SERPINA10: variants seen among roughly 807,000 people sequenced by gnomAD.
SERPINA10 encodes serpin family A member 10, also known as protein Z-dependent protease inhibitor.
SERPINA10 carries 24 observed loss-of-function variants against 28.0 expected under a neutral mutation model. That is an observed-to-expected ratio of 0.86 (90% CI 0.62 to 1.20). SERPINA10 has a LOEUF of 1.20. Among genes scored for constraint, SERPINA10 ranks in the 50% most tolerant of loss-of-function variants. The pLI, the probability that SERPINA10 is intolerant of heterozygous loss-of-function variation, is 0.00. For missense variants in SERPINA10, 521 were observed against 537.7 expected (o/e 0.97, Z 0.31); for synonymous variants, 207 against 203.9 (o/e 1.02, Z -0.13).
chr14:94,284,319 A>C (rs1475097779), intron 4 of SERPINA10, among the ~76,000 whole-genome samples, 163 bp from the exon 5 acceptor site: 1 of 152,184 alleles, frequency 6.6e-6, no homozygotes, highest in Non-Finnish European at 1.5e-5. Flanking sequence ...CTGGGGTTGC[A>C]CCAGGGACTG....
chr14:94,290,144 C>T lies in SERPINA10; in HGVS notation c.450G>A (p.Glu150=), dbSNP rs754710053. ...CCAGTTCCAGGTTGCGGGAGAGGGT[C>T]TCTCTGAGTCCCTTAAAGAGGGAAG... ...LLPSLFKGLR[E]TLSRNLELGL... is the part of the protein sequence containing the mutation. Residue 150 remains glutamate (E), a synonymous_variant, in exon 2 of 5, where the codon GAG becomes GAA. Coordinates refer to ENST00000261994, the MANE Select transcript of SERPINA10 (RefSeq NM_001100607.3). 1.2e-6 allele frequency: 2 copies of T among 1,614,138 alleles called. No individual in the cohort carries two copies. The highest frequency in any genetic ancestry group is 1.7e-6 in the Non-Finnish European group (2 of 1,180,012).
Position 94,284,288 on chromosome 14 carries a change from A to C in SERPINA10, c.1144-132T>G. The C allele has an allele frequency of 9.8e-6, 8 of 819,876 alleles. 1 individual carries two copies. The highest frequency in any genetic ancestry group is 1.6e-5 in the Non-Finnish European group (8 of 495,066). 50.8% of individuals were successfully genotyped at this position (819,876 alleles called of 1,614,324 possible). Reference sequence around the variant, plus strand: ...TCCTGGGATTTAGTGGAGCAGGCCCATCTACGTTAAGAGGAGTGGTCTGGG... The same window carrying C: ...TCCTGGGATTTAGTGGAGCAGGCCCCTCTACGTTAAGAGGAGTGGTCTGGG... On this transcript the variant is annotated intron_variant, in intron 4 of 4. Coordinates refer to ENST00000261994, the MANE Select transcript of SERPINA10 (RefSeq NM_001100607.3).
At position 94,288,283 on chromosome 14, in the gene SERPINA10, T is replaced by C. The variant is rs369697180; in HGVS notation, c.992+3A>G. The C allele has an allele frequency of 2.4e-4, 390 of 1,613,522 alleles. 3 individuals are homozygous for C. In the South Asian group the frequency reaches 2.7e-3, roughly 11 times the overall value. ...TTGTATAGGGTGTGGGCAAGAGTTG[T>C]ACCTGGTTTTCATGTTTCTGAGCCA... On this transcript the variant is annotated splice_donor_region_variant and intron_variant, in intron 3 of 4. Coordinates refer to ENST00000261994, the MANE Select transcript of SERPINA10 (RefSeq NM_001100607.3).
intron 4 of SERPINA10, among the ~76,000 whole-genome samples, chr14:94,285,740 G>C (rs1895008302): frequency 6.6e-6 from 1 of 151,934 alleles, no homozygotes; most frequent in Non-Finnish European, 1.5e-5. Flanking sequence ...GGAGAAGTTG[G>C]GCTAGATGAT....
rs1028151967 is a variant in SERPINA10, at chr14:94,280,850, A to G, written c.*3115T>C. 6.6e-6 allele frequency: 1 copy of G among 152,238 alleles called. No individual in the cohort carries two copies. The highest frequency in any genetic ancestry group is 1.9e-4 in the East Asian group (1 of 5,198). 9.4% of individuals were successfully genotyped at this position (152,238 alleles called of 1,614,324 possible). A position where few individuals can be genotyped will look rare whatever the true frequency, so the allele number is the denominator to read the frequency against. Reference sequence around the variant, plus strand: ...GGATTTTACTTAATAGAGGTTAAATAAGGAGCACATAAAGTTTTTCTTTAT... The same window carrying G: ...GGATTTTACTTAATAGAGGTTAAATGAGGAGCACATAAAGTTTTTCTTTAT... On this transcript the variant is annotated 3_prime_UTR_variant, in exon 5 of 5. Transcript: ENST00000261994.
In SERPINA10 at chr14:94,288,282, G is replaced by C; in HGVS notation, c.992+4C>G. ...TTTGTATAGGGTGTGGGCAAGAGTTGTACCTGGTTTTCATGTTTCTGAGCC... is the reference window on the plus strand; with the variant it reads ...TTTGTATAGGGTGTGGGCAAGAGTTCTACCTGGTTTTCATGTTTCTGAGCC... On this transcript the variant is annotated splice_donor_region_variant and intron_variant, in intron 3 of 4. Coordinates refer to ENST00000261994, the MANE Select transcript of SERPINA10 (RefSeq NM_001100607.3). 3 of 1,613,432 alleles carry C rather than the reference G, an allele frequency of 1.9e-6. No individual in the cohort carries two copies. Among genetic ancestry groups the C allele is most frequent in the Non-Finnish European group, 2.5e-6 (3 of 1,180,030 alleles).
chr14:94,284,246 TA>T (rs1894968900), intron 4 of SERPINA10, 90 bp from the exon 5 acceptor site: 2 of 1,155,020 alleles, frequency 1.7e-6, no homozygotes, highest in Non-Finnish European at 2.5e-6. Context: ...ACAGTGGTCC[TA>T]CCCATGGGGT....
At chr14:94,284,921 T>G (rs1254646438) in intron 4 of SERPINA10, among the ~76,000 whole-genome samples, 1 of 152,192 alleles carries the variant, frequency 6.6e-6, no homozygotes, top group Non-Finnish European at 1.5e-5. Context: ...TGATGACCCT[T>G]CATAAAGCAG....
Position 94,290,027 on chromosome 14 carries a change from C to A in SERPINA10, c.567G>T (p.Glu189Asp). 6.2e-7 allele frequency: 1 copy of A among 1,614,234 alleles called. No individual in the cohort carries two copies. The highest frequency in any genetic ancestry group is 1.6e-4 in the Middle Eastern group (1 of 6,062). The change falls in exon 2 of 5, where the codon GAG becomes GAT. Residue 189 changes from glutamate to aspartate, a missense_variant. Coordinates refer to ENST00000261994, the MANE Select transcript of SERPINA10 (RefSeq NM_001100607.3). ...FNLSKRYFDT[E>D]CVPMNFRNAS... is the part of the protein sequence containing the mutation. The stretch of plus-strand genomic sequence containing the variant: ...CATTGCGAAAATTCATAGGCACGCA[C>A]TCTGTATCAAAATACCTCTTGGATA...
At chr14:94,292,671 C>T (rs1405012983) in intron 1 of SERPINA10, 1 of 702,002 alleles carries the variant, frequency 1.4e-6, no homozygotes, top group African/African-American at 1.7e-5. Context: ...CTGGGTGCTC[C>T]TGGACATATA....
intron 2 of SERPINA10, among the ~76,000 whole-genome samples, chr14:94,289,440 G>A (rs1257201897): frequency 6.6e-6 from 1 of 152,200 alleles, no homozygotes; most frequent in Admixed American, 6.5e-5. Context: ...GCCCATCTGG[G>A]CACTTTACAT....
chr14:94,290,919 G>T (rs568306139), intron 1 of SERPINA10, among the ~76,000 whole-genome samples: 1 of 152,248 alleles, frequency 6.6e-6, no homozygotes, highest in Non-Finnish European at 1.5e-5. Context: ...CTCCCTGAGG[G>T]CCAGGGCAAG....
Position 94,290,427 on chromosome 14 carries a change from C to A in SERPINA10, c.167G>T (p.Ser56Ile). 1 of 1,613,810 alleles carries A rather than the reference C, an allele frequency of 6.2e-7. No homozygotes were observed. The highest frequency in any genetic ancestry group is 2.2e-5 in the East Asian group (1 of 44,864). Residue 56 changes from serine to isoleucine, a missense_variant, in exon 2 of 5, where the codon AGC (serine) becomes ATC (isoleucine). Physicochemically the swap from Ser to Ile is moderately radical, Grantham distance 142. Transcript: ENST00000261994. ...KEEEEDEQEA[S>I]EEKASEEEKA... The stretch of plus-strand genomic sequence containing the variant: ...CTCTTCCTCACTGGCCTTCTCCTCG[C>A]TGGCCTCCTGCTCATCTTCCTCTTC...
In SERPINA10 at chr14:94,290,119, C is replaced by T. The variant is rs1895126596; in HGVS notation, c.475G>A (p.Gly159Ser). The T allele has an allele frequency of 6.2e-7, 1 of 1,614,056 alleles. No homozygotes were observed. ...AAGGCAAAACTCCCCTGTGTGAGGC[C>T]CAGTTCCAGGTTGCGGGAGAGGGTC... is the stretch of plus-strand genomic sequence containing the variant. ...RETLSRNLEL[G>S]LTQGSFAFIH... The change falls in exon 2 of 5, where the codon GGC (glycine) becomes AGC (serine). Residue 159 changes from glycine (G) to serine (S), a missense_variant. Coordinates refer to ENST00000261994, the MANE Select transcript of SERPINA10 (RefSeq NM_001100607.3).
At chr14:94,288,700 A>G in intron 2 of SERPINA10, 141 bp from the exon 3 acceptor site, 2 of 1,207,056 alleles carry the variant, frequency 1.7e-6, no homozygotes, top group Non-Finnish European at 2.4e-6. Flanking sequence ...GGCGTTCCCT[A>G]ATTGGGTTGG....
In SERPINA10 at chr14:94,290,511, G is replaced by A. The variant is rs2232697; in HGVS notation, c.83C>T (p.Ser28Leu). 9.3e-5 allele frequency: 150 copies of A among 1,613,138 alleles called. 2 individuals are homozygous for A. The East Asian group carries it at 2.0e-3, about 21-fold the overall frequency. Reference sequence around the variant, plus strand: ...GTTCTGAGGGGCTGGGGTCTCTGGCGACTGAGGACTGGGGGCCAAGCCGGG... The same window carrying A: ...GTTCTGAGGGGCTGGGGTCTCTGGCAACTGAGGACTGGGGGCCAAGCCGGG... ...LVPGLAPSPQ[S>L]PETPAPQNQT... Residue 28 changes from serine to leucine, a missense_variant, in exon 2 of 5, where the codon TCG (serine) becomes TTG (leucine). Ser to Leu is a moderately radical substitution (Grantham distance 145). Transcript: ENST00000261994.
rs1895018998 is a variant in SERPINA10 at position 94,286,193 on chromosome 14, C to G, written c.1058G>C (p.Arg353Thr). 1 of 1,614,136 alleles carries G rather than the reference C, an allele frequency of 6.2e-7. No individual in the cohort carries two copies. Among genetic ancestry groups the G allele is most frequent in the Admixed American group, 1.7e-5 (1 of 60,020 alleles). ...GAAGATTCTTCTGATTCCCATCTGCCTAAGCAGCTCATGCATCTCATACTT... is the reference window on the plus strand; with the variant it reads ...GAAGATTCTTCTGATTCCCATCTGCGTAAGCAGCTCATGCATCTCATACTT... ...DQKYEMHELLRQMGIRRIFSP... is the reference protein window; with the variant it reads ...DQKYEMHELLTQMGIRRIFSP... Residue 353 changes from arginine (R) to threonine (T), a missense_variant, in exon 4 of 5, where the codon AGG becomes ACG. Physicochemically the swap from Arg to Thr is moderately conservative, Grantham distance 71. Transcript: ENST00000261994.
At position 94,288,486 on chromosome 14, in the gene SERPINA10, A is replaced by G. The variant is rs1184744208; in HGVS notation, c.792T>C (p.Ile264=). The change falls in exon 3 of 5, where the codon ATT becomes ATC. Residue 264 remains isoleucine (I), a synonymous_variant. Coordinates refer to ENST00000261994, the MANE Select transcript of SERPINA10 (RefSeq NM_001100607.3). ...CTGCACCGTACATCATGGGCACCTT[A>G]ATGGTCTTGTACTTGTCCAGGTGGA... The part of the protein sequence containing the change: ...DTFHLDKYKT[I]KVPMMYGAGK... 6.2e-7 allele frequency: 1 copy of G among 1,614,148 alleles called. No individual in the cohort carries two copies. Among genetic ancestry groups the G allele is most frequent in the Non-Finnish European group, 8.5e-7 (1 of 1,180,028 alleles).
chr14:94,292,858 G>A (rs1423396104), intron 1 of SERPINA10: 5 of 587,470 alleles, frequency 8.5e-6, no homozygotes, highest in Admixed American at 2.7e-5. Flanking sequence ...TCAGCCCTGG[G>A]ACAGCACACA....
Sources: gnomAD v4.1 joint callset for allele counts (sites outside exome capture counted in the v4.1 genomes callset) on GRCh38, gnomAD v4.1.1 for gene constraint, MANE v1.5 for transcripts, NCBI Gene and HGNC (gene_info 2026-07-23, HGNC 2026-07-21) for gene names.